STBD1: variants seen among roughly 807,000 people sequenced by gnomAD.
STBD1 encodes the protein starch binding domain 1, also known as starch-binding domain-containing protein 1.
STBD1 carries 13 observed loss-of-function variants against 10.5 expected under a neutral mutation model. The ratio of observed to expected loss-of-function variants is 1.24; its 90% CI spans 0.81 to 1.97. The LOEUF (loss-of-function observed/expected upper bound fraction) is 1.97. Ranked by LOEUF, STBD1 falls within the 30% of genes most tolerant of loss-of-function variation. The probability of loss-of-function intolerance (pLI) is 0.00; values close to 1 mark genes in which losing one functional copy is unlikely to be tolerated. For missense variants in STBD1, 427 were observed against 435.6 expected (o/e 0.98, Z 0.17); for synonymous variants, 146 against 160.2 (o/e 0.91, Z 0.67).
chr4:76,307,635 C>T (rs187818983), intron 1 of STBD1, among the ~76,000 whole-genome samples: 7 of 151,986 alleles, frequency 4.6e-5, no homozygotes, highest in African/African-American at 1.7e-4. Flanking sequence ...AGAATAGGGC[C>T]GGATAGTCAT....
intron 1 of STBD1, among the ~76,000 whole-genome samples, chr4:76,307,252 C>T (rs1718802229): frequency 6.6e-6 from 1 of 152,194 alleles, no homozygotes; most frequent in Non-Finnish European, 1.5e-5. Flanking sequence ...TGGTCCTGCC[C>T]CTCCGGCGGG....
intron 1 of STBD1, among the ~76,000 whole-genome samples, chr4:76,307,336 G>A (rs988014342): frequency 6.6e-6 from 1 of 152,216 alleles, no homozygotes; most frequent in Admixed American, 6.5e-5. Context: ...CCCGGCCTTT[G>A]GAAAGGGGGG....
chr4:76,307,435 C>T (rs938047547), intron 1 of STBD1, among the ~76,000 whole-genome samples: 10 of 152,246 alleles, frequency 6.6e-5, no homozygotes, highest in African/African-American at 2.4e-4. Flanking sequence ...CTGACATCCT[C>T]CCATCGCACA....
Position 76,306,890 on chromosome 4 carries a change from G to T in STBD1, c.121G>T (p.Asp41Tyr), listed in dbSNP as rs147138225. Residue 41 changes from aspartate (D) to tyrosine (Y), a missense_variant, in exon 1 of 2, where the codon GAC (aspartate) becomes TAC (tyrosine). Coordinates refer to ENST00000237642, the MANE Select transcript of STBD1 (RefSeq NM_003943.5). Reference protein sequence around the residue: ...GKDGDAEQEKDAPLGGAAIPG... With the variant: ...GKDGDAEQEKYAPLGGAAIPG... ...GGACGGGGATGCGGAGCAGGAGAAAGACGCCCCTCTTGGGGGAGCTGCGAT... is the reference window on the plus strand; with the variant it reads ...GGACGGGGATGCGGAGCAGGAGAAATACGCCCCTCTTGGGGGAGCTGCGAT... 5.6e-4 allele frequency: 911 copies of T among 1,612,392 alleles called. 6 individuals are homozygous for T. The African/African-American group carries it at 0.01, about 18-fold the overall frequency.
At position 76,306,824 on chromosome 4, in the gene STBD1, T is replaced by G; in HGVS notation, c.55T>G (p.Phe19Val). Reference sequence around the variant, plus strand: ...TGGAGGGGGTCTGGCCGGAGCACTTTTCGTTTGGCTGCTGCGGGGCGGCCC... The same window carrying G: ...TGGAGGGGGTCTGGCCGGAGCACTTGTCGTTTGGCTGCTGCGGGGCGGCCC... ...LVGGGLAGALFVWLLRGGPGD... is the reference protein window; with the variant it reads ...LVGGGLAGALVVWLLRGGPGD... The change falls in exon 1 of 2, where the codon TTC becomes GTC. Residue 19 changes from phenylalanine to valine, a missense_variant. Coordinates refer to ENST00000237642, the MANE Select transcript of STBD1 (RefSeq NM_003943.5). The G allele has an allele frequency of 6.2e-7, 1 of 1,612,028 alleles. No homozygotes were observed. Among genetic ancestry groups the G allele is most frequent in the Non-Finnish European group, 8.5e-7 (1 of 1,179,350 alleles).
In STBD1 at chr4:76,309,449, A is replaced by G. The variant is rs1332680114; in HGVS notation, c.526A>G (p.Ser176Gly). 9.9e-6 allele frequency: 16 copies of G among 1,614,260 alleles called. No individual in the cohort carries two copies. The highest frequency in any genetic ancestry group is 1.4e-5 in the Non-Finnish European group (16 of 1,180,042). ...ATGTTTTGCAGAGAAGTTGCCTTCT[A>G]GCAACCTGCTCAAGAACAGAGCTAA... ...ATCFAEKLPSSNLLKNRAKEE... is the reference protein window; with the variant it reads ...ATCFAEKLPSGNLLKNRAKEE... Residue 176 changes from serine (S) to glycine (G), a missense_variant, in exon 2 of 2, where the codon AGC becomes GGC. Transcript: ENST00000237642.
Position 76,306,839 on chromosome 4 carries a change from C to A in STBD1, c.70C>A (p.Arg24=). 1 of 1,611,486 alleles carries A rather than the reference C, an allele frequency of 6.2e-7. No individual in the cohort carries two copies. Among genetic ancestry groups the A allele is most frequent in the Non-Finnish European group, 8.5e-7 (1 of 1,179,100 alleles). The change falls in exon 1 of 2, where the codon CGG becomes AGG. Residue 24 remains arginine, a synonymous_variant. Coordinates refer to ENST00000237642, the MANE Select transcript of STBD1 (RefSeq NM_003943.5). Reference sequence around the variant, plus strand: ...CGGAGCACTTTTCGTTTGGCTGCTGCGGGGCGGCCCTGGCGACACCGGGAA... The same window carrying A: ...CGGAGCACTTTTCGTTTGGCTGCTGAGGGGCGGCCCTGGCGACACCGGGAA... ...LAGALFVWLL[R]GGPGDTGKDG...
Position 76,309,167 on chromosome 4 carries a change from C to T in STBD1, c.244C>T (p.His82Tyr), listed in dbSNP as rs1029560863. 1.3e-6 allele frequency: 2 copies of T among 1,592,728 alleles called. No individual in the cohort carries two copies. Among genetic ancestry groups the T allele is most frequent in the South Asian group, 1.2e-5 (1 of 86,644 alleles). Residue 82 changes from histidine to tyrosine, a missense_variant, in exon 2 of 2, where the codon CAT (histidine) becomes TAT (tyrosine). Physicochemically the swap from His to Tyr is moderately conservative, Grantham distance 83. Transcript: ENST00000237642. Reference sequence around the variant, plus strand: ...AGAGCATCTTCAAGAAAGCAATGGACATTTGATTTCTAAGACCAAAGACCT... The same window carrying T: ...AGAGCATCTTCAAGAAAGCAATGGATATTTGATTTCTAAGACCAAAGACCT... Reference protein sequence around the residue: ...KPEHLQESNGHLISKTKDLGK... With the variant: ...KPEHLQESNGYLISKTKDLGK...
chr4:76,308,418 A>G (rs1718843457), intron 1 of STBD1, among the ~76,000 whole-genome samples: 3 of 152,246 alleles, frequency 2.0e-5, no homozygotes, highest in African/African-American at 7.2e-5. Flanking sequence ...TTGGACTACC[A>G]ATGGCATGGC....
Position 76,309,380 on chromosome 4 carries a change from T to C in STBD1, c.457T>C (p.Trp153Arg), listed in dbSNP as rs200650101. The C allele has an allele frequency of 2.1e-4, 338 of 1,613,436 alleles. 1 individual carries two copies. In the Admixed American group the frequency reaches 5.5e-3, roughly 26 times the overall value. The change falls in exon 2 of 2, where the codon TGG becomes CGG. Residue 153 changes from tryptophan to arginine, a missense_variant. By Grantham distance (101) the Trp-to-Arg change is moderately radical. Coordinates refer to ENST00000237642, the MANE Select transcript of STBD1 (RefSeq NM_003943.5). ...NESLESPMGE[W>R]GFQKGQEISA... ...AAGCCTTGAATCTCCTATGGGAGAA[T>C]GGGGATTCCAAAAAGGACAAGAGAT...
chr4:76,308,885 C>G (rs2110043450), intron 1 of STBD1, among the ~76,000 whole-genome samples: 1 of 152,342 alleles, frequency 6.6e-6, no homozygotes, highest in South Asian at 2.1e-4. Flanking sequence ...CTACAGCTTA[C>G]CACTTCATTT....
chr4:76,308,585 A>C (rs1405028048), intron 1 of STBD1, among the ~76,000 whole-genome samples: 2 of 152,204 alleles, frequency 1.3e-5, no homozygotes, highest in African/African-American at 4.8e-5. Flanking sequence ...CCCTTCCCCC[A>C]GTTCTCCCTC....
chr4:76,307,051 G>A, intron 1 of STBD1, 62 bp downstream of exon 1: 1 of 1,509,590 alleles, frequency 6.6e-7, no homozygotes, highest in East Asian at 2.4e-5. Flanking sequence ...ATCGAGGAAG[G>A]GAGCAAAGAG....
chr4:76,307,882 T>C (rs1235473226), intron 1 of STBD1, among the ~76,000 whole-genome samples: 2 of 152,170 alleles, frequency 1.3e-5, no homozygotes, highest in African/African-American at 4.8e-5. Context: ...TGCAGCCATA[T>C]GAAAATCTGC....
At position 76,310,517 on chromosome 4, in the gene STBD1, CAT is replaced by C. The variant is rs1298911941; in HGVS notation, c.*518_*519del. 6.4e-6 allele frequency: 1 copy of C among 155,714 alleles called. No homozygotes were observed. Among genetic ancestry groups the C allele is most frequent in the African/African-American group, 2.4e-5 (1 of 41,454 alleles). 9.6% of individuals were successfully genotyped at this position (155,714 alleles called of 1,614,324 possible). A position where few individuals can be genotyped will look rare whatever the true frequency, so the allele number is the denominator to read the frequency against. ...ACACATTTTATGCTTAAAAAGTTAA[CAT>C]GATACGAAACTGTGATTAGAAAATA... On this transcript the variant is annotated 3_prime_UTR_variant, in exon 2 of 2. Coordinates refer to ENST00000237642, the MANE Select transcript of STBD1 (RefSeq NM_003943.5).
chr4:76,310,104 A>G lies in STBD1; in HGVS notation c.*104A>G. 6.9e-7 allele frequency: 1 copy of G among 1,445,530 alleles called. No homozygotes were observed. The highest frequency in any genetic ancestry group is 2.2e-5 in the Admixed American group (1 of 44,942). The allele number at this position is 1,445,530 out of a possible 1,614,324, so 89.5% of individuals were successfully genotyped here. ...AGGCAGTGTGACTCCAAATTCAGCC[A>G]TCTGAATTGTTTAAATTTGCTAGTG... On this transcript the variant is annotated 3_prime_UTR_variant, in exon 2 of 2. Coordinates refer to ENST00000237642, the MANE Select transcript of STBD1 (RefSeq NM_003943.5).
rs1425114357 is a variant in STBD1, at chr4:76,306,929, C to G, written c.160C>G (p.Gln54Glu). The change falls in exon 1 of 2, where the codon CAG (glutamine) becomes GAG (glutamate). Residue 54 changes from glutamine to glutamate, a missense_variant. Transcript: ENST00000237642. Reference sequence around the variant, plus strand: ...GGGAGCTGCGATTCCGGGAGGCCATCAGAGTGGCAGCAGCGGACTGAGCCC... The same window carrying G: ...GGGAGCTGCGATTCCGGGAGGCCATGAGAGTGGCAGCAGCGGACTGAGCCC... ...LGGAAIPGGH[Q>E]SGSSGLSPGP... 1 of 1,611,840 alleles carries G rather than the reference C, an allele frequency of 6.2e-7. No individual in the cohort carries two copies. The highest frequency in any genetic ancestry group is 1.7e-5 in the Admixed American group (1 of 59,790).
Position 76,307,857 on chromosome 4 carries a change from C to G in STBD1, c.220+868C>G, listed in dbSNP as rs569493725. 7.2e-5 allele frequency among the ~76,000 whole-genome samples: 11 copies of G among 152,214 alleles called. No homozygotes were observed. The South Asian group carries it at 2.3e-3, about 32-fold the overall frequency. On this transcript the variant is annotated intron_variant, in intron 1 of 1. Transcript: ENST00000237642. ...GACATCTGTGAACTTTATTTTTAGC[C>G]CAGTGGTGTTCATGTGCAGCCATAT...
chr4:76,307,654 AG>A (rs1209148227), intron 1 of STBD1, among the ~76,000 whole-genome samples: 1 of 142,222 alleles, frequency 7.0e-6, no homozygotes, highest in Non-Finnish European at 1.6e-5. Context: ...ATCCCTAGGA[AG>A]GGACTACTTA....
Sources: allele counts gnomAD v4.1 joint callset (sites outside exome capture counted in the v4.1 genomes callset), GRCh38; gene constraint gnomAD v4.1.1; transcripts MANE v1.5; gene names NCBI Gene and HGNC (gene_info 2026-07-23, HGNC 2026-07-21).